Variants in AGAP3 observed in about 807,000 individuals in gnomAD.
AGAP3 encodes the protein arf-GAP with GTPase, ANK repeat and PH domain-containing protein 3.
In AGAP3, 24 loss-of-function variants were observed where a neutral mutation model predicts 96.9. The ratio of observed to expected loss-of-function variants is 0.25; its 90% CI spans 0.18 to 0.35. The LOEUF (loss-of-function observed/expected upper bound fraction) is 0.35, where lower values mean the gene tolerates loss of function less well. AGAP3 is among the 10% of genes least tolerant of loss of function. The probability of loss-of-function intolerance (pLI) is 1.00; values close to 1 mark genes in which losing one functional copy is unlikely to be tolerated. For synonymous variants in AGAP3, 563 were observed against 536.1 expected (o/e 1.05, Z -0.69); for missense variants, 876 against 1,254.2 (o/e 0.70, Z 4.55).
At chr7:151,115,777 CCTGGCGT>C in intron 1 of AGAP3, 1 of 487,738 alleles carries the variant, frequency 2.1e-6, no homozygotes, top group Non-Finnish European at 2.8e-6. Flanking sequence ...GTCGTCCGCG[CCTGGCGT>C]CTGGGGTCTT....
At chr7:151,089,512 C>T (rs558220659) in intron 1 of AGAP3, among the ~76,000 whole-genome samples, 6 of 152,224 alleles carry the variant, frequency 3.9e-5, no homozygotes, top group East Asian at 1.9e-4. Context: ...GTTTAGACTT[C>T]GGTGAAGGGT....
At chr7:151,110,796 G>T (rs1450824644) in intron 1 of AGAP3, among the ~76,000 whole-genome samples, 1 of 152,158 alleles carries the variant, frequency 6.6e-6, no homozygotes, top group Admixed American at 6.5e-5. Context: ...ACACGGATTG[G>T]GCTGGGGGAG....
At chr7:151,097,077 C>A (rs1482135111) in intron 1 of AGAP3, among the ~76,000 whole-genome samples, 2 of 152,100 alleles carry the variant, frequency 1.3e-5, no homozygotes, top group East Asian at 1.9e-4. Context: ...GAGTGAGCCA[C>A]CGCGCCCGGC....
chr7:151,093,427 C>T (rs1798476201), intron 1 of AGAP3, among the ~76,000 whole-genome samples: 1 of 152,192 alleles, frequency 6.6e-6, no homozygotes, highest in Non-Finnish European at 1.5e-5. Flanking sequence ...AGGCATGAGC[C>T]ACCACGTCCG....
chr7:151,116,834 G>T lies in AGAP3; in HGVS notation c.373G>T (p.Val125Leu), dbSNP rs28633387. 1 of 1,613,990 alleles carries T rather than the reference G, an allele frequency of 6.2e-7. No individual in the cohort carries two copies. The change falls in exon 2 of 18, where the codon GTA (valine) becomes TTA (leucine). Residue 125 changes from valine (V) to leucine (L), a missense_variant. Around this residue, in one of 8 missense-constraint regions of AGAP3, gnomAD observed 131 missense variants for 304.5 expected, o/e 0.43. Coordinates refer to ENST00000397238, the MANE Select transcript of AGAP3 (RefSeq NM_031946.7). ...NSQEWTLSRS[V>L]PELKVGIVGN... ...CCAGGAGTGGACGCTGAGCCGCTCC[G>T]TACCGGAGCTTAAAGTGGTGAGTGT...
rs1799167355 is a variant in AGAP3 at position 151,108,928 on chromosome 7, A to G, written c.332-7865A>G. Among the ~76,000 whole-genome samples the G allele has an allele frequency of 6.6e-6, 1 of 152,182 alleles. No individual in the cohort carries two copies. Among genetic ancestry groups the G allele is most frequent in the Non-Finnish European group, 1.5e-5 (1 of 68,026 alleles). ...TAAGGGGACTCGGACCTCCTCAGAAAACACCTGTGTGTTCTTCCCAGTATG... is the reference window on the plus strand; with the variant it reads ...TAAGGGGACTCGGACCTCCTCAGAAGACACCTGTGTGTTCTTCCCAGTATG... On this transcript the variant is annotated intron_variant, in intron 1 of 17. Transcript: ENST00000397238. The surrounding 1 kb of genome is among the most constrained non-coding windows in gnomAD (Gnocchi z 4.2).
chr7:151,144,189 A>G lies in AGAP3; in HGVS notation c.*246A>G, dbSNP rs1800933057. ...ATTGAAAAGGGACAGGACCCTTCGGAGGTGCCTGTGAGGAGAGGGGAGCAG... is the reference window on the plus strand; with the variant it reads ...ATTGAAAAGGGACAGGACCCTTCGGGGGTGCCTGTGAGGAGAGGGGAGCAG... On this transcript the variant is annotated 3_prime_UTR_variant, in exon 18 of 18. Transcript: ENST00000397238. The G allele has an allele frequency of 9.3e-6, 5 of 537,336 alleles. No individual in the cohort carries two copies. The highest frequency in any genetic ancestry group is 1.6e-5 in the Non-Finnish European group (5 of 303,036). 33.3% of individuals were successfully genotyped at this position (537,336 alleles called of 1,614,324 possible). A position where few individuals can be genotyped will look rare whatever the true frequency, so the allele number is the denominator to read the frequency against.
intron 1 of AGAP3, 57 bp from the exon 2 acceptor site, chr7:151,116,736 G>A: frequency 6.3e-7 from 1 of 1,599,490 alleles, no homozygotes; most frequent in East Asian, 2.2e-5. Context: ...GGCAGCAGTG[G>A]TTGGGACAGG....
chr7:151,120,227 C>A, intron 8 of AGAP3, 82 bp downstream of exon 8: 1 of 1,432,980 alleles, frequency 7.0e-7, no homozygotes, highest in Non-Finnish European at 9.5e-7. Flanking sequence ...CCAGGAGGGG[C>A]GTGGGCAGCC....
chr7:151,143,347 G>A lies in AGAP3; in HGVS notation c.2280G>A (p.Glu760=), dbSNP rs1175670511. ...SKPGPDACRE[E]KERWIRAKYE... ...GATGGGCCTGTGGTTGCAGAGAGGA[G>A]AAGGAACGCTGGATACGGGCCAAGT... Residue 760 remains glutamate (E), a synonymous_variant, in exon 17 of 18, where the codon GAG becomes GAA. Coordinates refer to ENST00000397238, the MANE Select transcript of AGAP3 (RefSeq NM_031946.7). This position sits in a 1 kb window ranked among gnomAD's most constrained non-coding sequence, Gnocchi z 5.9. 2 of 1,610,878 alleles carry A rather than the reference G, an allele frequency of 1.2e-6. No homozygotes were observed. The highest frequency in any genetic ancestry group is 1.1e-5 in the South Asian group (1 of 90,704).
chr7:151,099,407 G>T (rs1049097173), intron 1 of AGAP3, among the ~76,000 whole-genome samples: 1 of 124,608 alleles, frequency 8.0e-6, no homozygotes, highest in Non-Finnish European at 1.7e-5. Flanking sequence ...CTTCTTTGTC[G>T]AGCACCCACC....
chr7:151,128,763 A>G, intron 10 of AGAP3, 79 bp downstream of exon 10: 1 of 1,256,012 alleles, frequency 8.0e-7, no homozygotes, highest in Non-Finnish European at 1.2e-6. Flanking sequence ...GGTAGCAGAC[A>G]GGCTCCAGGA....
chr7:151,092,503 A>AG (rs1250500478), intron 1 of AGAP3, among the ~76,000 whole-genome samples: 1 of 152,160 alleles, frequency 6.6e-6, no homozygotes, highest in African/African-American at 2.4e-5. Context: ...GAGGTAGGGA[A>AG]GGGGGGTGAG....
intron 11 of AGAP3, chr7:151,136,439 C>CG (rs1800598140): frequency 6.6e-6 from 1 of 152,212 alleles, no homozygotes; most frequent in African/African-American, 2.4e-5. Flanking sequence ...CGCATGCCGA[C>CG]GCCGACACCG....
intron 10 of AGAP3, among the ~76,000 whole-genome samples, chr7:151,129,328 G>A (rs554356340): frequency 6.6e-6 from 1 of 152,106 alleles, no homozygotes; most frequent in Non-Finnish European, 1.5e-5. Flanking sequence ...CCAGCACAGC[G>A]CGTGCCCCCC....
Position 151,096,446 on chromosome 7 carries a change from G to A in AGAP3, c.331+9374G>A, listed in dbSNP as rs1204937344. 6.6e-5 allele frequency among the ~76,000 whole-genome samples: 10 copies of A among 151,976 alleles called. No homozygotes were observed. The highest frequency in any genetic ancestry group is 1.7e-4 in the African/African-American group (7 of 41,386). ...TCAGCACTGTGCAGTAGACATGGGC[G>A]AGTCACACGTGTGAACTTAAATTTT... On this transcript the variant is annotated intron_variant, in intron 1 of 17. Coordinates refer to ENST00000397238, the MANE Select transcript of AGAP3 (RefSeq NM_031946.7). This position sits in a 1 kb window ranked among gnomAD's most constrained non-coding sequence, Gnocchi z 4.4.
intron 10 of AGAP3, among the ~76,000 whole-genome samples, chr7:151,129,404 C>G (rs1456257009): frequency 6.6e-6 from 1 of 152,144 alleles, no homozygotes; most frequent in Non-Finnish European, 1.5e-5. Context: ...TCAGGAAGGC[C>G]TGACCCAAGA....
In AGAP3 at chr7:151,087,027, T is replaced by C; in HGVS notation, c.286T>C (p.Leu96=). Residue 96 remains leucine (L), a synonymous_variant, in exon 1 of 18, where the codon TTG becomes CTG. Transcript: ENST00000397238. ...CGACCTGATCGAGCGCATCGAGGAT[T>C]TGGCGCTGCAGAACCAGATCCGGGA... The part of the protein sequence containing the change: ...IYDLIERIED[L]ALQNQIREHV... 5 of 1,612,630 alleles carry C rather than the reference T, an allele frequency of 3.1e-6. No individual in the cohort carries two copies. The highest frequency in any genetic ancestry group is 4.2e-6 in the Non-Finnish European group (5 of 1,179,378).
intron 9 of AGAP3, 82 bp downstream of exon 9, chr7:151,123,968 C>T: frequency 1.4e-6 from 2 of 1,387,614 alleles, no homozygotes; most frequent in East Asian, 2.4e-5. Context: ...CTTCTCAGGC[C>T]TCTGTGATGG....
Sources: allele counts gnomAD v4.1 joint callset (sites outside exome capture counted in the v4.1 genomes callset), GRCh38; gene constraint gnomAD v4.1.1; regional missense constraint gnomAD v4.1.1; non-coding constraint Gnocchi (gnomAD v3.1); transcripts MANE v1.5; gene names NCBI Gene and HGNC (gene_info 2026-07-23, HGNC 2026-07-21).